OXR1: variants seen among roughly 807,000 people sequenced by gnomAD.
OXR1 encodes oxidation resistance protein 1.
In OXR1, 41 loss-of-function variants were observed where a neutral mutation model predicts 104.6. The observed-to-expected ratio is 0.39, with a 90% CI of 0.31 to 0.51. OXR1 has a LOEUF of 0.51. OXR1 is among the 20% of genes least tolerant of loss of function. The pLI, the probability that OXR1 is intolerant of heterozygous loss-of-function variation, is 0.77. For missense variants in OXR1, 955 were observed against 1,031.9 expected (o/e 0.93, Z 1.02); for synonymous variants, 348 against 348.4 (o/e 1.00, Z 0.01).
intron 2 of OXR1, among the ~76,000 whole-genome samples, chr8:106,379,995 C>A (rs1012347732): frequency 6.6e-6 from 1 of 152,104 alleles, no homozygotes; most frequent in Non-Finnish European, 1.5e-5. Flanking sequence ...AATTTAATAT[C>A]TTTTGGTATA....
At chr8:106,668,450 G>A (rs1485957392) in intron 3 of OXR1, among the ~76,000 whole-genome samples, 2 of 152,178 alleles carry the variant, frequency 1.3e-5, no homozygotes, top group African/African-American at 2.4e-5. Flanking sequence ...GCCCACATGT[G>A]TCTATGTGGA....
At chr8:106,396,096 T>G (rs111979032) in intron 2 of OXR1, among the ~76,000 whole-genome samples, 2 of 90,986 alleles carry the variant, frequency 2.2e-5, no homozygotes, top group African/African-American at 3.9e-5. Context: ...CATACATACA[T>G]ACATACATAA....
At chr8:106,635,300 T>A (rs1037282195) in intron 3 of OXR1, among the ~76,000 whole-genome samples, 3 of 152,216 alleles carry the variant, frequency 2.0e-5, no homozygotes, top group Admixed American at 6.5e-5. Context: ...GTGATGCAAA[T>A]ATGAGAAAAT....
intron 5 of OXR1, 72 bp from the exon 6 acceptor site, chr8:106,684,174 T>C (rs1246902753): frequency 8.4e-6 from 6 of 715,876 alleles, no homozygotes; most frequent in Non-Finnish European, 2.4e-6. Flanking sequence ...TTAATAGTGC[T>C]TGCTTATAGA....
intron 1 of OXR1, among the ~76,000 whole-genome samples, chr8:106,294,370 T>A (rs117046165): frequency 0.032 from 3,917 of 123,822 alleles, 80 homozygotes; most frequent in Middle Eastern, 0.11. Context: ...CACTCCAACT[T>A]GGGCGACAGG....
intron 2 of OXR1, among the ~76,000 whole-genome samples, chr8:106,424,456 T>C (rs1819029144): frequency 6.6e-6 from 1 of 152,164 alleles, no homozygotes; most frequent in Non-Finnish European, 1.5e-5. Context: ...TCAATAATAT[T>C]ATTTTTAATG....
At chr8:106,349,071 G>C (rs1035721217) in intron 1 of OXR1, among the ~76,000 whole-genome samples, 2 of 152,072 alleles carry the variant, frequency 1.3e-5, no homozygotes, top group Non-Finnish European at 2.9e-5. Flanking sequence ...TGTGTACCAG[G>C]AACACCAGTG....
intron 11 of OXR1, among the ~76,000 whole-genome samples, chr8:106,722,677 G>A (rs1832920922): frequency 6.6e-6 from 1 of 152,128 alleles, no homozygotes; most frequent in South Asian, 2.1e-4. Context: ...TGACCTAGAA[G>A]TAATAGGCCA....
intron 3 of OXR1, among the ~76,000 whole-genome samples, chr8:106,588,124 T>C (rs901006020): frequency 3.4e-4 from 52 of 151,886 alleles, no homozygotes; most frequent in Admixed American, 6.6e-4. Flanking sequence ...GCTAATTATT[T>C]TTGTTTTTGT....
At chr8:106,286,360 A>G (rs1002839498) in intron 1 of OXR1, among the ~76,000 whole-genome samples, 6 of 144,430 alleles carry the variant, frequency 4.2e-5, no homozygotes, top group African/African-American at 1.6e-4. Flanking sequence ...TATTTAAGCT[A>G]ATTTAAGTTA....
intron 2 of OXR1, among the ~76,000 whole-genome samples, chr8:106,464,507 A>T (rs1452137972): frequency 2.6e-5 from 4 of 152,038 alleles, no homozygotes; most frequent in Non-Finnish European, 2.9e-5. Context: ...TCATTTCCTG[A>T]CTTCTATTAT....
At position 106,731,221 on chromosome 8, in the gene OXR1, A is replaced by T. The variant is rs115015765; in HGVS notation, c.1957-6299A>T. On this transcript the variant is annotated intron_variant, in intron 11 of 16. Coordinates refer to ENST00000517566, the MANE Select transcript of OXR1 (RefSeq NM_001198533.2). ...GTCCATATTTTAATCAGGTTGTTTGATATCTTACTGTTATGTTTTACATAA... is the reference window on the plus strand; with the variant it reads ...GTCCATATTTTAATCAGGTTGTTTGTTATCTTACTGTTATGTTTTACATAA... Among the ~76,000 whole-genome samples the T allele has an allele frequency of 6.2e-3, 942 of 152,220 alleles. 12 individuals carry two copies. The highest frequency in any genetic ancestry group is 0.021 in the African/African-American group (889 of 41,536).
At chr8:106,404,218 G>A (rs1586609505) in intron 2 of OXR1, among the ~76,000 whole-genome samples, 1 of 152,188 alleles carries the variant, frequency 6.6e-6, no homozygotes. Context: ...GAGTGGGGAG[G>A]CCACTTCTGC....
intron 2 of OXR1, among the ~76,000 whole-genome samples, chr8:106,488,759 C>T (rs1160186635): frequency 6.8e-6 from 1 of 146,112 alleles, no homozygotes; most frequent in Non-Finnish European, 1.5e-5. Flanking sequence ...TTTCTGAGGG[C>T]TCTGTTCTGT....
chr8:106,731,404 A>T (rs1833882871), intron 11 of OXR1, among the ~76,000 whole-genome samples: 1 of 152,120 alleles, frequency 6.6e-6, no homozygotes, highest in Admixed American at 6.6e-5. Context: ...ACACAGTAGA[A>T]GTTTTTAATT....
intron 3 of OXR1, among the ~76,000 whole-genome samples, chr8:106,552,208 C>T (rs911218602): frequency 6.6e-6 from 1 of 151,994 alleles, no homozygotes; most frequent in African/African-American, 2.4e-5. Context: ...CTAAGTTTTA[C>T]CTCTGGTAAA....
At chr8:106,463,139 A>G (rs971365720) in intron 2 of OXR1, among the ~76,000 whole-genome samples, 16 of 152,042 alleles carry the variant, frequency 1.1e-4, no homozygotes, top group African/African-American at 3.9e-4. Context: ...ACAGAACAGC[A>G]AGCCAAGGAG....
At chr8:106,480,295 C>A (rs1822035674) in intron 2 of OXR1, among the ~76,000 whole-genome samples, 1 of 151,932 alleles carries the variant, frequency 6.6e-6, no homozygotes, top group Non-Finnish European at 1.5e-5. Context: ...GTCCAATTAT[C>A]TTGCTTCTAA....
chr8:106,372,088 C>A (rs1816730588), intron 2 of OXR1, among the ~76,000 whole-genome samples: 1 of 152,212 alleles, frequency 6.6e-6, no homozygotes, highest in South Asian at 2.1e-4. Flanking sequence ...TAGGCAGATT[C>A]CAGCTGAGAG....
Sources: gnomAD v4.1 joint callset for allele counts (sites outside exome capture counted in the v4.1 genomes callset) on GRCh38, gnomAD v4.1.1 for gene constraint, MANE v1.5 for transcripts, NCBI Gene and HGNC (gene_info 2026-07-23, HGNC 2026-07-21) for gene names.